The following HNF4G variants were observed in gnomAD, a reference collection of about 807,000 sequenced individuals.
HNF4G encodes hepatocyte nuclear factor 4-gamma.
Under a neutral mutation model 50.9 loss-of-function variants are expected in HNF4G, and 21 were observed. The ratio of observed to expected loss-of-function variants is 0.41; its 90% CI spans 0.29 to 0.59. The LOEUF is 0.59. Among genes scored for constraint, HNF4G ranks in the 20% least tolerant of loss-of-function variants. The pLI is 0.26. For synonymous variants in HNF4G, 198 were observed against 185.6 expected, an observed-to-expected ratio of 1.07 and a Z score of -0.54; for missense variants, 527 against 559.4, an observed-to-expected ratio of 0.94 and a Z score of 0.58.
At chr8:75,538,043 G>A (rs1024820585), upstream of HNF4G, among the ~76,000 whole-genome samples, 5 of 152,164 alleles carry the variant, frequency 3.3e-5, no homozygotes, top group African/African-American at 9.7e-5. Flanking sequence ...ACTGAATTCC[G>A]TGGGTGTTTC....
chr8:75,507,478 C>T (rs1416531854), intron 2 of HNF4G, among the ~76,000 whole-genome samples: 8 of 152,138 alleles, frequency 5.3e-5, no homozygotes, highest in African/African-American at 1.9e-4. Context: ...CCAGGCTGGT[C>T]TCGAACTCTT....
chr8:75,515,067 T>C (rs999523596), intron 2 of HNF4G, among the ~76,000 whole-genome samples: 5 of 152,172 alleles, frequency 3.3e-5, no homozygotes, highest in African/African-American at 1.2e-4. Context: ...ACTCTAGTTA[T>C]TTTAGTTCAT....
At chr8:75,485,563 T>A (rs1000056007) in intron 1 of HNF4G, among the ~76,000 whole-genome samples, 3 of 152,214 alleles carry the variant, frequency 2.0e-5, no homozygotes, top group African/African-American at 7.2e-5. Flanking sequence ...GTATAGCTTT[T>A]ATGCTTTTTG....
chr8:75,561,623 A>G (rs1807314758), intron 9 of HNF4G, among the ~76,000 whole-genome samples: 1 of 152,202 alleles, frequency 6.6e-6, no homozygotes, highest in African/African-American at 2.4e-5. Context: ...TTATTTAGGT[A>G]GCTGTTTGCA....
intron 2 of HNF4G, among the ~76,000 whole-genome samples, chr8:75,522,749 A>C (rs1354044457): frequency 2.6e-5 from 4 of 152,192 alleles, no homozygotes. Flanking sequence ...CCACTGATGT[A>C]GCCGCCTGAT....
chr8:75,509,775 CAT>C (rs1168651652), intron 2 of HNF4G, among the ~76,000 whole-genome samples: 2 of 152,144 alleles, frequency 1.3e-5, no homozygotes, highest in African/African-American at 2.4e-5. Flanking sequence ...GCATTATTCA[CAT>C]GTTTGTGGTG....
rs1810861161 is a variant in HNF4G, at chr8:75,425,067, T to TATTTATTTATTC, written c.-144+16916_-144+16917insCATTTATTTATT. 5.4e-5 allele frequency among the ~76,000 whole-genome samples: 6 copies of TATTTATTTATTC among 110,588 alleles called. No homozygotes were observed. In the East Asian group the frequency reaches 1.2e-3, roughly 22 times the overall value. The allele number at this position is 110,588 out of a possible 152,430, so 72.6% of individuals were successfully genotyped here. A position where few individuals can be genotyped will look rare whatever the true frequency, so the allele number is the denominator to read the frequency against. On this transcript the variant is annotated intron_variant, in intron 1 of 10. Transcript: ENST00000354370. ...TTCACCAACATCAATGCAGCCTATT[T>TATTTATTTATTC]ATTTATTTATTTATTTATTTATTTA...
At chr8:75,441,696 G>T (rs984125101) in intron 1 of HNF4G, among the ~76,000 whole-genome samples, 1 of 152,182 alleles carries the variant, frequency 6.6e-6, no homozygotes, top group Admixed American at 6.5e-5. Flanking sequence ...CTGATTCTGT[G>T]CTTGGATATT....
In HNF4G at chr8:75,553,043, T is replaced by A; in HGVS notation, c.491T>A (p.Ile164Asn). Residue 164 changes from isoleucine to asparagine, a missense_variant and splice_region_variant, in exon 5 of 10, where the codon ATC (isoleucine) becomes AAC (asparagine). Around this residue, in one of 5 missense-constraint regions of HNF4G, gnomAD observed 128 missense variants for 135.3 expected, o/e 0.95. Transcript: ENST00000396423. ...LAQAEVRSRQ[I>N]SVSSPGSSTD... is the part of the protein sequence containing the mutation. ...ATATAATGCTTTTCTTAATACTAGA[T>A]CTCAGTCTCAAGCCCTGGGTCAAGC... 6.2e-7 allele frequency: 1 copy of A among 1,604,080 alleles called. No homozygotes were observed.
chr8:75,475,478 G>A (rs1812221133), intron 1 of HNF4G, among the ~76,000 whole-genome samples: 1 of 152,158 alleles, frequency 6.6e-6, no homozygotes, highest in South Asian at 2.1e-4. Context: ...ATGAGCCTAT[G>A]CATGTTTATG....
intron 1 of HNF4G, among the ~76,000 whole-genome samples, chr8:75,439,343 T>TA (rs1342179166): frequency 6.6e-6 from 1 of 152,066 alleles, no homozygotes; most frequent in Non-Finnish European, 1.5e-5. Context: ...ATGAATTTTT[T>TA]ACATGTCTGC....
chr8:75,509,084 A>G (rs1446190377), intron 2 of HNF4G, among the ~76,000 whole-genome samples: 2 of 152,192 alleles, frequency 1.3e-5, no homozygotes, highest in African/African-American at 4.8e-5. Context: ...TGACATACCC[A>G]TAGGACTCCA....
intron 8 of HNF4G, 117 bp downstream of exon 8, chr8:75,559,154 G>A: frequency 1.4e-6 from 1 of 739,214 alleles, no homozygotes; most frequent in South Asian, 1.7e-5. Flanking sequence ...TGATGCTCCT[G>A]AATTTTTTTC....
rs907129511 is a variant in HNF4G, at chr8:75,564,741, A to T, written c.*645A>T. On this transcript the variant is annotated 3_prime_UTR_variant, in exon 10 of 10. Transcript: ENST00000396423. The stretch of plus-strand genomic sequence containing the variant: ...CTGACTTTCTTTGAAGATGTATGTT[A>T]AGCAAAAACATGTTGCTTTTATCAG... 2 of 152,222 alleles carry T rather than the reference A, an allele frequency of 1.3e-5. No homozygotes were observed. The highest frequency in any genetic ancestry group is 2.4e-5 in the African/African-American group (1 of 41,456). The allele number at this position is 152,222 out of a possible 1,614,324, so 9.4% of individuals were successfully genotyped here. A position where few individuals can be genotyped will look rare whatever the true frequency, so the allele number is the denominator to read the frequency against.
At chr8:75,434,533 TAGAA>T (rs1209025207) in intron 1 of HNF4G, among the ~76,000 whole-genome samples, 1 of 150,984 alleles carries the variant, frequency 6.6e-6, no homozygotes, top group Non-Finnish European at 1.5e-5. Flanking sequence ...CACAAAGAAA[TAGAA>T]GGAAAGAAGT....
chr8:75,483,006 G>A (rs1472436391), intron 1 of HNF4G, among the ~76,000 whole-genome samples: 1 of 152,116 alleles, frequency 6.6e-6, no homozygotes, highest in Non-Finnish European at 1.5e-5. Context: ...GTAATCAGTA[G>A]TGACTGAATA....
intron 1 of HNF4G, among the ~76,000 whole-genome samples, chr8:75,489,559 A>G (rs943448715): frequency 1.3e-5 from 2 of 152,152 alleles, no homozygotes; most frequent in African/African-American, 4.8e-5. Context: ...TTATAGTTAC[A>G]TTCAATTGAA....
intron 1 of HNF4G, among the ~76,000 whole-genome samples, chr8:75,452,270 C>T (rs533234811): frequency 1.3e-5 from 2 of 152,166 alleles, no homozygotes; most frequent in Admixed American, 6.6e-5. Flanking sequence ...CTAGTGGTTA[C>T]AGTAGTAATA....
At chr8:75,455,319 TTATC>T (rs143613671) in intron 1 of HNF4G, among the ~76,000 whole-genome samples, 5,802 of 152,286 alleles carry the variant, frequency 0.038, 133 homozygotes, top group South Asian at 0.054. Flanking sequence ...CCAACTGTCT[TTATC>T]TAGAAAGATT....
Sources: gnomAD v4.1 joint callset for allele counts (sites outside exome capture counted in the v4.1 genomes callset) on GRCh38, gnomAD v4.1.1 for gene constraint, gnomAD v4.1.1 regional missense constraint, MANE v1.5 for transcripts, NCBI Gene and HGNC (gene_info 2026-07-23, HGNC 2026-07-21) for gene names.